Variants in ARHGEF26 observed in about 807,000 individuals in gnomAD.
ARHGEF26 encodes the protein Rho guanine nucleotide exchange factor 26, also known as Rho guanine nucleotide exchange factor (GEF) 26.
In ARHGEF26, 59 loss-of-function variants were observed where a neutral mutation model predicts 89.4. The ratio of observed to expected loss-of-function variants is 0.66; its 90% CI spans 0.54 to 0.82. The LOEUF is 0.82. Ranked by LOEUF, ARHGEF26 falls within the 40% of genes least tolerant of loss-of-function variation. ARHGEF26 has a pLI of 0.00. For synonymous variants in ARHGEF26, 500 were observed against 428.4 expected (o/e 1.17, Z -2.06); for missense variants, 1,234 against 1,085.6 (o/e 1.14, Z -1.92).
intron 13 of ARHGEF26, 129 bp from the exon 14 acceptor site, chr3:154,254,591 T>TA: frequency 1.5e-6 from 1 of 684,080 alleles, no homozygotes; most frequent in Admixed American, 2.6e-5. Context: ...TGCTTTTTAT[T>TA]AGAAGCCCAA....
At chr3:154,226,775 C>T (rs1037139525) in intron 11 of ARHGEF26, among the ~76,000 whole-genome samples, 12 of 151,762 alleles carry the variant, frequency 7.9e-5, no homozygotes, top group Non-Finnish European at 1.5e-4. Flanking sequence ...GTAAATATTC[C>T]GTCTTTCCTA....
chr3:154,125,020 A>G (rs888290414), intron 3 of ARHGEF26, among the ~76,000 whole-genome samples: 2 of 151,216 alleles, frequency 1.3e-5, no homozygotes, highest in Admixed American at 1.3e-4. Context: ...TCAAACCCTA[A>G]TCAGATTAAT....
chr3:154,130,107 C>T (rs893978038), intron 4 of ARHGEF26, among the ~76,000 whole-genome samples: 2 of 148,348 alleles, frequency 1.3e-5, no homozygotes, highest in East Asian at 2.0e-4. Flanking sequence ...GTATATGTAT[C>T]TCTGCACAAT....
In ARHGEF26 at chr3:154,122,480, C is replaced by T. The variant is rs1462337243; in HGVS notation, c.488C>T (p.Thr163Ile). Residue 163 changes from threonine (T) to isoleucine (I), a missense_variant, in exon 2 of 15, where the codon ACT becomes ATT. By Grantham distance (89) the Thr-to-Ile change is moderately conservative (BLOSUM62 -1). Transcript: ENST00000465093. ...CCCTGCACCCCCGAGGAGGACCTTA[C>T]TGGGTTGACTGCCAGCCCGGTGCCT... ...PAPCTPEEDLTGLTASPVPSP... is the reference protein window; with the variant it reads ...PAPCTPEEDLIGLTASPVPSP... 6.2e-7 allele frequency: 1 copy of T among 1,612,678 alleles called. No individual in the cohort carries two copies. The highest frequency in any genetic ancestry group is 8.5e-7 in the Non-Finnish European group (1 of 1,179,752).
chr3:154,131,707 G>A (rs1173765279), intron 4 of ARHGEF26, among the ~76,000 whole-genome samples: 1 of 152,160 alleles, frequency 6.6e-6, no homozygotes, highest in Non-Finnish European at 1.5e-5. Context: ...GGCCTAAATC[G>A]TGCTGTTGGT....
intron 6 of ARHGEF26, among the ~76,000 whole-genome samples, chr3:154,172,906 C>CT (rs762383655): frequency 2.0e-5 from 3 of 152,034 alleles, no homozygotes; most frequent in South Asian, 4.1e-4. Context: ...TTTTATAACT[C>CT]TAAGTTGTCA....
chr3:154,149,346 A>T, intron 4 of ARHGEF26, 43 bp from the exon 5 acceptor site: 2 of 1,533,954 alleles, frequency 1.3e-6, no homozygotes, highest in Non-Finnish European at 1.8e-6. Context: ...AAACTTTTAA[A>T]GTATTAATAA....
At chr3:154,250,052 C>T (rs779450322) in intron 12 of ARHGEF26, among the ~76,000 whole-genome samples, 15 of 151,836 alleles carry the variant, frequency 9.9e-5, no homozygotes, top group Admixed American at 4.6e-4. Flanking sequence ...TTTTTTGAGA[C>T]GGAGTTTTGC....
intron 13 of ARHGEF26, among the ~76,000 whole-genome samples, chr3:154,253,812 ATT>A (rs1446989231): frequency 1.3e-5 from 2 of 152,190 alleles, no homozygotes; most frequent in African/African-American, 2.4e-5. Context: ...AGAACAAAAC[ATT>A]GTTATCCTGG....
rs536577346 is a variant in ARHGEF26 at position 154,203,392 on chromosome 3, C to T, written c.1845+8674C>T. On this transcript the variant is annotated intron_variant, in intron 9 of 14. Transcript: ENST00000465093. The stretch of plus-strand genomic sequence containing the variant: ...AAGCTTTTTGATGTGCTGCTGGATT[C>T]GGGTTACCAGTATTTTATTGAGATC... 5.5e-4 allele frequency among the ~76,000 whole-genome samples: 83 copies of T among 152,078 alleles called. 1 individual carries two copies. Among genetic ancestry groups the T allele is most frequent in the African/African-American group, 1.6e-3 (66 of 41,500 alleles).
chr3:154,150,566 T>A (rs552237731), intron 5 of ARHGEF26, among the ~76,000 whole-genome samples: 1 of 152,314 alleles, frequency 6.6e-6, no homozygotes, highest in East Asian at 1.9e-4. Flanking sequence ...TGAATCTAGA[T>A]CATTCATTTC....
At chr3:154,121,247 G>C (rs945885055), upstream of ARHGEF26, 1 of 152,296 alleles carries the variant, frequency 6.6e-6, no homozygotes, top group South Asian at 2.1e-4. Context: ...TGCGCTCGTC[G>C]GTTTCCCAGG....
At chr3:154,167,152 T>C (rs1175992880) in intron 6 of ARHGEF26, among the ~76,000 whole-genome samples, 1 of 152,198 alleles carries the variant, frequency 6.6e-6, no homozygotes, top group East Asian at 1.9e-4. Context: ...GTGAAAATAG[T>C]CATTGCTCTG....
chr3:154,253,099 T>C lies in ARHGEF26; in HGVS notation c.2301-17T>C, dbSNP rs1718260279. The C allele has an allele frequency of 1.9e-6, 3 of 1,613,856 alleles. No homozygotes were observed. The highest frequency in any genetic ancestry group is 2.5e-6 in the Non-Finnish European group (3 of 1,179,792). ...TTACACCTTGAGTCTCTCAGTTGGATCTGCCCTCTGTTTTAGGAGCGAGCG... is the reference window on the plus strand; with the variant it reads ...TTACACCTTGAGTCTCTCAGTTGGACCTGCCCTCTGTTTTAGGAGCGAGCG... On this transcript the variant is annotated splice_polypyrimidine_tract_variant and intron_variant, in intron 12 of 14. Transcript: ENST00000465093.
intron 11 of ARHGEF26, among the ~76,000 whole-genome samples, chr3:154,235,017 C>T (rs1462416043): frequency 6.6e-6 from 1 of 151,964 alleles, no homozygotes; most frequent in Non-Finnish European, 1.5e-5. Flanking sequence ...CCGCCTTGGC[C>T]TCCCTACAGT....
chr3:154,235,241 C>A, intron 11 of ARHGEF26, among the ~76,000 whole-genome samples: 1 of 152,040 alleles, frequency 6.6e-6, no homozygotes, highest in Admixed American at 6.5e-5. Context: ...TAATATCAAG[C>A]TTTTCTATTC....
At position 154,257,796 on chromosome 3, in the gene ARHGEF26, T is replaced by C. The variant is rs1718612867; in HGVS notation, c.*2323T>C. ...CTGCTTGTACACTTTCAGAAAAATA[T>C]GTGAATTTATAAAGATTTTGTAGAT... On this transcript the variant is annotated 3_prime_UTR_variant, in exon 15 of 15. Transcript: ENST00000465093. The C allele has an allele frequency of 6.6e-6, 1 of 152,196 alleles. No individual in the cohort carries two copies. The highest frequency in any genetic ancestry group is 2.4e-5 in the African/African-American group (1 of 41,452). 9.4% of individuals were successfully genotyped at this position (152,196 alleles called of 1,614,324 possible). A position where few individuals can be genotyped will look rare whatever the true frequency, so the allele number is the denominator to read the frequency against.
chr3:154,124,642 G>A (rs1718219552), intron 3 of ARHGEF26, among the ~76,000 whole-genome samples, 193 bp downstream of exon 3: 1 of 151,854 alleles, frequency 6.6e-6, no homozygotes, highest in Non-Finnish European at 1.5e-5. Context: ...ATAGTTAATG[G>A]CATTTTTTAT....
intron 6 of ARHGEF26, among the ~76,000 whole-genome samples, chr3:154,154,231 A>G (rs1409137743): frequency 6.6e-6 from 1 of 152,076 alleles, no homozygotes; most frequent in East Asian, 1.9e-4. Context: ...TTAAGATGTT[A>G]AAGGATCATG....
Sources: allele counts gnomAD v4.1 joint callset (sites outside exome capture counted in the v4.1 genomes callset), GRCh38; gene constraint gnomAD v4.1.1; transcripts MANE v1.5; gene names NCBI Gene and HGNC (gene_info 2026-07-23, HGNC 2026-07-21).